TMEM38B: variants seen among roughly 807,000 people sequenced by gnomAD.
TMEM38B encodes the protein trimeric intracellular cation channel type B.
TMEM38B carries 24 observed loss-of-function variants against 28.7 expected under a neutral mutation model. The ratio of observed to expected loss-of-function variants is 0.84; its 90% CI spans 0.61 to 1.18. TMEM38B has a LOEUF of 1.18. TMEM38B is among the 50% of genes most tolerant of loss of function. The pLI, the probability that TMEM38B is intolerant of heterozygous loss-of-function variation, is 0.00. For synonymous variants in TMEM38B, 131 were observed against 127.7 expected (o/e 1.03, Z -0.17); for missense variants, 380 against 350.9 (o/e 1.08, Z -0.66).
intron 2 of TMEM38B, among the ~76,000 whole-genome samples, chr9:105,716,926 G>A (rs1035281741): frequency 2.0e-5 from 3 of 151,952 alleles, no homozygotes; most frequent in Non-Finnish European, 4.4e-5. Flanking sequence ...CATAGTATTG[G>A]TGAGGCTTGT....
At chr9:105,746,241 C>CT (rs1401812232) in intron 4 of TMEM38B, among the ~76,000 whole-genome samples, 1 of 147,842 alleles carries the variant, frequency 6.8e-6, no homozygotes, top group Non-Finnish European at 1.5e-5. Flanking sequence ...TTTGTATCCT[C>CT]TTTTATTTCA....
At chr9:105,758,265 C>G in intron 5 of TMEM38B, 1 of 672,710 alleles carries the variant, frequency 1.5e-6, no homozygotes, top group East Asian at 2.6e-5. Context: ...AGTGTGGACA[C>G]TGAGGCTCAC....
rs891151235 is a variant in TMEM38B, at chr9:105,707,911, A to G, written c.269+2158A>G. Reference sequence around the variant, plus strand: ...CTTTCCCAAAGACTTTTATTTCTATAACAATATTTTTAAAAGTTATTAGCA... The same window carrying G: ...CTTTCCCAAAGACTTTTATTTCTATGACAATATTTTTAAAAGTTATTAGCA... On this transcript the variant is annotated intron_variant, in intron 2 of 5. Transcript: ENST00000374692. 6.6e-5 allele frequency among the ~76,000 whole-genome samples: 10 copies of G among 152,306 alleles called. No homozygotes were observed. In the East Asian group the frequency reaches 1.2e-3, roughly 18 times the overall value.
At chr9:105,765,731 G>T (rs1826349753) in intron 5 of TMEM38B, among the ~76,000 whole-genome samples, 2 of 152,104 alleles carry the variant, frequency 1.3e-5, no homozygotes, top group East Asian at 1.9e-4. Flanking sequence ...TTTGAATAAG[G>T]TTGTTATAAA....
At chr9:105,738,466 A>G (rs1837065564) in intron 4 of TMEM38B, among the ~76,000 whole-genome samples, 1 of 151,210 alleles carries the variant, frequency 6.6e-6, no homozygotes, top group Non-Finnish European at 1.5e-5. Flanking sequence ...TCCTTTAGTT[A>G]TTTTCATCAA....
chr9:105,769,743 A>G (rs1826487172), intron 5 of TMEM38B, among the ~76,000 whole-genome samples: 1 of 152,156 alleles, frequency 6.6e-6, no homozygotes, highest in African/African-American at 2.4e-5. Flanking sequence ...TAGCTCTGTA[A>G]AAAACCATGT....
chr9:105,769,108 A>G (rs141998695), intron 5 of TMEM38B, among the ~76,000 whole-genome samples: 399 of 152,316 alleles, frequency 2.6e-3, no homozygotes, highest in African/African-American at 9.1e-3. Flanking sequence ...CTGATATATA[A>G]CAACCTCTTA....
In TMEM38B at chr9:105,773,535, C is replaced by G. The variant is rs1012269021; in HGVS notation, c.661-330C>G. On this transcript the variant is annotated intron_variant, in intron 5 of 5. Transcript: ENST00000374692. ...TTAAAGAGAACGACAATGTAAAGCA[C>G]TTATCTTCGTTCTGACACATGTTAA... is the stretch of plus-strand genomic sequence containing the variant. Among the ~76,000 whole-genome samples, 7 of 152,252 alleles carry G rather than the reference C, an allele frequency of 4.6e-5. No homozygotes were observed. In the South Asian group the frequency reaches 1.5e-3, roughly 32 times the overall value.
At chr9:105,699,253 C>A (rs1449485077) in intron 1 of TMEM38B, among the ~76,000 whole-genome samples, 2 of 152,126 alleles carry the variant, frequency 1.3e-5, no homozygotes, top group Admixed American at 1.3e-4. Context: ...CCTACTCCAA[C>A]ACCACTTCTT....
chr9:105,743,547 G>A (rs894165019), intron 4 of TMEM38B, among the ~76,000 whole-genome samples: 1 of 152,132 alleles, frequency 6.6e-6, no homozygotes, highest in African/African-American at 2.4e-5. Context: ...AACATGAAGT[G>A]ATGCTTCTTA....
chr9:105,703,256 G>T (rs1053459837), intron 1 of TMEM38B, among the ~76,000 whole-genome samples: 1 of 152,140 alleles, frequency 6.6e-6, no homozygotes, highest in African/African-American at 2.4e-5. Context: ...AGGCTGAGGC[G>T]GGTGAATCAC....
Position 105,758,445 on chromosome 9 carries a change from G to A in TMEM38B, c.660+10255G>A. 3.6e-6 allele frequency: 5 copies of A among 1,380,760 alleles called. No homozygotes were observed. In the Admixed American group the frequency reaches 6.7e-5, roughly 18 times the overall value. 85.5% of individuals were successfully genotyped at this position (1,380,760 alleles called of 1,614,324 possible). On this transcript the variant is annotated intron_variant, in intron 5 of 5. Transcript: ENST00000374692. ...ACACAGACAACACTTTAAAAAATAT[G>A]GCAGTTGTTTCACAGCAGGAGAAGC...
chr9:105,718,216 A>G (rs1052838225), intron 2 of TMEM38B, among the ~76,000 whole-genome samples: 11 of 151,466 alleles, frequency 7.3e-5, no homozygotes, highest in Non-Finnish European at 1.5e-4. Context: ...TTTAGAACAA[A>G]TTTGTAATCT....
Position 105,739,183 on chromosome 9 carries a change from A to G in TMEM38B, c.543-8890A>G, listed in dbSNP as rs373945460. ...AGCATAGATGTATGGGTTTATTTCT[A>G]GACTGTCTGTTCTATTCCATTGTCT... On this transcript the variant is annotated intron_variant, in intron 4 of 5. Coordinates refer to ENST00000374692, the MANE Select transcript of TMEM38B (RefSeq NM_018112.3). Among the ~76,000 whole-genome samples the G allele has an allele frequency of 7.2e-5, 11 of 152,250 alleles. No homozygotes were observed. In the East Asian group the frequency reaches 9.7e-4, roughly 13 times the overall value.
intron 5 of TMEM38B, among the ~76,000 whole-genome samples, chr9:105,765,138 A>G (rs1826322497): frequency 6.6e-6 from 1 of 152,230 alleles, no homozygotes; most frequent in Admixed American, 6.5e-5. Flanking sequence ...AATTCTTTCT[A>G]AGGCATTTGT....
At position 105,774,111 on chromosome 9, in the gene TMEM38B, A is replaced by G; in HGVS notation, c.*31A>G. ...CGTGATGAGCTCTACAAGGCCAAAA[A>G]TTTTTTTTCTTATCTACCTGTTATA... On this transcript the variant is annotated 3_prime_UTR_variant, in exon 6 of 6. Transcript: ENST00000374692. 1 of 1,593,786 alleles carries G rather than the reference A, an allele frequency of 6.3e-7. No homozygotes were observed. Among genetic ancestry groups the G allele is most frequent in the Non-Finnish European group, 8.6e-7 (1 of 1,168,498 alleles).
intron 2 of TMEM38B, chr9:105,710,399 C>A (rs1835856780): frequency 1.1e-6 from 1 of 929,424 alleles, no homozygotes; most frequent in Non-Finnish European, 1.7e-6. Flanking sequence ...TCATGATCTC[C>A]TTCTTTCATA....
chr9:105,736,056 T>G (rs577306041), intron 4 of TMEM38B, among the ~76,000 whole-genome samples: 257 of 90,644 alleles, frequency 2.8e-3, no homozygotes, highest in African/African-American at 0.019. Flanking sequence ...ATTTTTTTTG[T>G]TTTTTTTTTT....
intron 4 of TMEM38B, among the ~76,000 whole-genome samples, chr9:105,732,067 G>A (rs1342984416): frequency 6.6e-6 from 1 of 152,138 alleles, no homozygotes; most frequent in Non-Finnish European, 1.5e-5. Flanking sequence ...GTAGTGATGA[G>A]CATTTTTTCA....
Sources: allele counts gnomAD v4.1 joint callset (sites outside exome capture counted in the v4.1 genomes callset), GRCh38; gene constraint gnomAD v4.1.1; transcripts MANE v1.5; gene names NCBI Gene and HGNC (gene_info 2026-07-23, HGNC 2026-07-21).